AK5: variants seen among roughly 807,000 people sequenced by gnomAD.
AK5 encodes adenylate kinase isoenzyme 5.
AK5 carries 27 observed loss-of-function variants against 69.5 expected under a neutral mutation model. That is an observed-to-expected ratio of 0.39 (90% CI 0.29 to 0.54). The LOEUF (loss-of-function observed/expected upper bound fraction) is 0.54. Among genes scored for constraint, AK5 ranks in the 20% least tolerant of loss-of-function variants. AK5 has a pLI of 0.71. For synonymous variants in AK5, 260 were observed against 244.4 expected, an observed-to-expected ratio of 1.06 and a Z score of -0.60; for missense variants, 531 against 700.4, an observed-to-expected ratio of 0.76 and a Z score of 2.73.
At chr1:77,291,510 C>T (rs1044979804) in intron 2 of AK5, among the ~76,000 whole-genome samples, 1 of 152,102 alleles carries the variant, frequency 6.6e-6, no homozygotes. Context: ...CCCTGCAAAT[C>T]CTCCACTGGC....
At chr1:77,304,534 T>C (rs1297631189) in intron 5 of AK5, among the ~76,000 whole-genome samples, 2 of 152,008 alleles carry the variant, frequency 1.3e-5, no homozygotes, top group African/African-American at 2.4e-5. Context: ...GCCTCCTGAA[T>C]AGCTCAGTTT....
intron 11 of AK5, among the ~76,000 whole-genome samples, chr1:77,519,283 G>A (rs559544339): frequency 2.6e-4 from 40 of 152,236 alleles, no homozygotes; most frequent in African/African-American, 6.0e-4. Flanking sequence ...AATGAGGGCC[G>A]TATGATACAG....
At chr1:77,301,912 A>G (rs946602929) in intron 5 of AK5, among the ~76,000 whole-genome samples, 1 of 151,696 alleles carries the variant, frequency 6.6e-6, no homozygotes, top group African/African-American at 2.4e-5. Flanking sequence ...TCTGCATGAC[A>G]CATTGAAGTA....
chr1:77,392,216 G>T (rs745760494), intron 6 of AK5, among the ~76,000 whole-genome samples: 7 of 152,180 alleles, frequency 4.6e-5, no homozygotes, highest in Non-Finnish European at 8.8e-5. Flanking sequence ...TACAAGGCAT[G>T]AGATTAAAAT....
intron 8 of AK5, among the ~76,000 whole-genome samples, chr1:77,431,584 G>A (rs1651642312): frequency 6.6e-6 from 1 of 152,168 alleles, no homozygotes; most frequent in African/African-American, 2.4e-5. Context: ...ACGCCCAAAA[G>A]CACTAGAAGC....
chr1:77,384,386 A>G (rs1647861192), intron 6 of AK5, among the ~76,000 whole-genome samples: 1 of 152,220 alleles, frequency 6.6e-6, no homozygotes, highest in Non-Finnish European at 1.5e-5. Context: ...TATCTACTAC[A>G]CTTACTGGAA....
Position 77,476,063 on chromosome 1 carries a change from G to A in AK5, c.1060-7254G>A, listed in dbSNP as rs1297368511. On this transcript the variant is annotated intron_variant, in intron 8 of 13. Transcript: ENST00000354567. ...CCATTTCTCCTAGAGAACTAGGTCT[G>A]TTAAAGCAGTTTATATAGAGAAACT... is the stretch of plus-strand genomic sequence containing the variant. 4.6e-5 allele frequency among the ~76,000 whole-genome samples: 7 copies of A among 152,154 alleles called. 1 individual carries two copies. The highest frequency in any genetic ancestry group is 1.0e-4 in the Non-Finnish European group (7 of 68,028).
intron 6 of AK5, among the ~76,000 whole-genome samples, chr1:77,364,794 A>G (rs1432905798): frequency 6.6e-6 from 1 of 152,176 alleles, no homozygotes; most frequent in African/African-American, 2.4e-5. Context: ...GGTTGATTCC[A>G]TATCTTGGCT....
At chr1:77,314,725 G>T (rs1660157276) in intron 5 of AK5, 1 of 152,094 alleles carries the variant, frequency 6.6e-6, no homozygotes, top group Non-Finnish European at 1.5e-5. Flanking sequence ...CAGTGGCATA[G>T]AACACTAGAA....
chr1:77,510,001 T>C (rs1022668278), intron 10 of AK5, among the ~76,000 whole-genome samples: 1 of 152,206 alleles, frequency 6.6e-6, no homozygotes, highest in African/African-American at 2.4e-5. Context: ...CTGAAGAGGT[T>C]GAAGCTCAGA....
intron 6 of AK5, among the ~76,000 whole-genome samples, chr1:77,385,261 G>T (rs1284432030): frequency 6.6e-6 from 1 of 152,036 alleles, no homozygotes; most frequent in Admixed American, 6.6e-5. Context: ...CCGGGTTCAC[G>T]CCATTCTCCT....
chr1:77,457,960 G>C (rs138151684), intron 8 of AK5, among the ~76,000 whole-genome samples: 1 of 152,212 alleles, frequency 6.6e-6, no homozygotes, highest in Non-Finnish European at 1.5e-5. Context: ...ACAGAAGCCA[G>C]GCATGGTGCC....
intron 13 of AK5, among the ~76,000 whole-genome samples, chr1:77,541,943 T>G (rs1052249399): frequency 2.0e-5 from 3 of 152,144 alleles, no homozygotes; most frequent in Non-Finnish European, 4.4e-5. Context: ...TTTTATTTTT[T>G]TCTGTACTTT....
chr1:77,333,622 T>C (rs72679531), intron 5 of AK5, among the ~76,000 whole-genome samples: 10,139 of 151,406 alleles, frequency 0.067, 473 homozygotes, highest in East Asian at 0.2. Flanking sequence ...GTCAGCAAAC[T>C]ATGGCCCATG....
chr1:77,289,030 C>G (rs1446044772), intron 2 of AK5, among the ~76,000 whole-genome samples: 1 of 152,096 alleles, frequency 6.6e-6, no homozygotes, highest in Admixed American at 6.5e-5. Context: ...CTTACAATAC[C>G]AAAGAGATTT....
At chr1:77,515,547 G>A (rs191429316) in intron 10 of AK5, among the ~76,000 whole-genome samples, 1 of 152,200 alleles carries the variant, frequency 6.6e-6, no homozygotes, top group Non-Finnish European at 1.5e-5. Context: ...GCAAAGTGCT[G>A]TGTGATGTGC....
chr1:77,435,369 G>T (rs1651891785), intron 8 of AK5, among the ~76,000 whole-genome samples: 1 of 152,184 alleles, frequency 6.6e-6, no homozygotes, highest in Non-Finnish European at 1.5e-5. Context: ...TAAAACAGAG[G>T]CTGGGCATGG....
chr1:77,501,688 T>G (rs907110300), intron 10 of AK5, among the ~76,000 whole-genome samples: 12 of 152,210 alleles, frequency 7.9e-5, no homozygotes, highest in African/African-American at 2.9e-4. Flanking sequence ...TCCTTTTACT[T>G]TTTTCTTTTA....
intron 8 of AK5, among the ~76,000 whole-genome samples, chr1:77,430,261 C>T (rs1651548404): frequency 6.6e-6 from 1 of 152,028 alleles, no homozygotes; most frequent in Admixed American, 6.6e-5. Context: ...TTGAGAAGAA[C>T]TTGTGACGAA....
Sources: allele counts gnomAD v4.1 joint callset (sites outside exome capture counted in the v4.1 genomes callset), GRCh38; gene constraint gnomAD v4.1.1; transcripts MANE v1.5; gene names NCBI Gene and HGNC (gene_info 2026-07-23, HGNC 2026-07-21).